Variants in NAV2 observed in about 807,000 individuals in gnomAD.
NAV2 encodes the protein helicase, APC down-regulated 1.
A neutral mutation model predicts 223.2 loss-of-function variants in NAV2; 54 were observed. That is an observed-to-expected ratio of 0.24 (90% CI 0.19 to 0.30). The LOEUF (loss-of-function observed/expected upper bound fraction) is 0.30. Ranked by LOEUF, NAV2 falls within the 10% of genes least tolerant of loss-of-function variation. The pLI is 1.00. For synonymous variants in NAV2, 1,279 were observed against 1,239.3 expected (o/e 1.03, Z -0.67); for missense variants, 2,806 against 3,147.5 (o/e 0.89, Z 2.60).
intron 1 of NAV2, among the ~76,000 whole-genome samples, chr11:19,480,165 T>G (rs2042235970): frequency 6.6e-6 from 1 of 152,138 alleles, no homozygotes; most frequent in Non-Finnish European, 1.5e-5. Context: ...TTAAACAAAA[T>G]TAAGCAGGTT....
At chr11:20,016,451 A>G (rs1288030043) in intron 11 of NAV2, among the ~76,000 whole-genome samples, 1 of 152,286 alleles carries the variant, frequency 6.6e-6, no homozygotes, top group Non-Finnish European at 1.5e-5. Flanking sequence ...GTGCTTTTAC[A>G]TGTGAGTACT....
chr11:19,443,188 C>G (rs1423551504), intron 1 of NAV2, among the ~76,000 whole-genome samples: 2 of 152,224 alleles, frequency 1.3e-5, no homozygotes, highest in Non-Finnish European at 2.9e-5. Context: ...AATCTCTGAG[C>G]TGAAGCCCTG....
At chr11:19,893,402 C>A (rs1258056454) in intron 6 of NAV2, among the ~76,000 whole-genome samples, 1 of 152,094 alleles carries the variant, frequency 6.6e-6, no homozygotes, top group Admixed American at 6.5e-5. Context: ...GCATTTCCTA[C>A]CTGGTGGTGT....
chr11:19,729,226 C>A (rs1396987535), intron 1 of NAV2, among the ~76,000 whole-genome samples: 1 of 152,122 alleles, frequency 6.6e-6, no homozygotes, highest in African/African-American at 2.4e-5. Context: ...TTGGAGCAAG[C>A]AGGAATGGGA....
chr11:19,995,877 T>A (rs1415922686), intron 11 of NAV2, among the ~76,000 whole-genome samples: 1 of 152,146 alleles, frequency 6.6e-6, no homozygotes, highest in African/African-American at 2.4e-5. Flanking sequence ...TGGATGAACG[T>A]TGTTCCCTAA....
At position 20,065,331 on chromosome 11, in the gene NAV2, C is replaced by T. The variant is rs368220901; in HGVS notation, c.4885-2855C>T. On this transcript the variant is annotated intron_variant, in intron 20 of 37. Coordinates refer to ENST00000349880, the MANE Select transcript of NAV2 (RefSeq NM_145117.5). ...AGTTTTAAAGGCTCTTATTGGATGA[C>T]AGTAGATTCTTTCCTTGAAATGTCT... Among the ~76,000 whole-genome samples the T allele has an allele frequency of 2.3e-4, 35 of 152,150 alleles. No individual in the cohort carries two copies. The South Asian group carries it at 7.0e-3, about 31-fold the overall frequency.
At chr11:19,617,726 A>C (rs1282813429) in intron 1 of NAV2, among the ~76,000 whole-genome samples, 1 of 152,190 alleles carries the variant, frequency 6.6e-6, no homozygotes, top group East Asian at 1.9e-4. Context: ...GAAGCAGTAC[A>C]ACAATGATCT....
chr11:19,791,033 T>C (rs565870580), intron 1 of NAV2, among the ~76,000 whole-genome samples: 9 of 152,298 alleles, frequency 5.9e-5, no homozygotes, highest in Non-Finnish European at 1.2e-4. Context: ...ATTATCCTAA[T>C]ATGATAGATA....
Position 20,048,808 on chromosome 11 carries a change from C to T in NAV2, c.3983C>T (p.Pro1328Leu), listed in dbSNP as rs749113323. Residue 1328 changes from proline (P) to leucine (L), a missense_variant, in exon 15 of 38, where the codon CCT becomes CTT. Pro to Leu is a moderately conservative substitution (Grantham distance 98). Around this residue, in one of 4 missense-constraint regions of NAV2, gnomAD observed 742 missense variants for 777.9 expected, o/e 0.95. Transcript: ENST00000349880. ...NMKNSVVISN[P>L]HATMTQQGNL... ...AAAAATTCGGTGGTCATCTCCAATC[C>T]TCATGCCACCATGACTCAGCAAGGT... The T allele has an allele frequency of 5.6e-6, 9 of 1,613,958 alleles. No homozygotes were observed. Among genetic ancestry groups the T allele is most frequent in the Middle Eastern group, 3.3e-4 (2 of 6,084 alleles).
At position 19,933,246 on chromosome 11, in the gene NAV2, C is replaced by A; in HGVS notation, c.1002C>A (p.Gly334=). Residue 334 remains glycine, a synonymous_variant, in exon 7 of 38, where the codon GGC becomes GGA. Coordinates refer to ENST00000349880, the MANE Select transcript of NAV2 (RefSeq NM_145117.5). The surrounding 1 kb of genome is among the most constrained non-coding windows in gnomAD (Gnocchi z 4.3). ...ATGCACCTGCTTCCTTGGAGAGCGG[C>A]AGCAGCTCCACCCCTACTAATTGCA... ...SDNAPASLES[G]SSSTPTNCST... The A allele has an allele frequency of 1.9e-6, 3 of 1,601,476 alleles. No individual in the cohort carries two copies. Among genetic ancestry groups the A allele is most frequent in the Non-Finnish European group, 2.6e-6 (3 of 1,173,848 alleles).
At chr11:19,629,094 G>T (rs2047263014) in intron 1 of NAV2, among the ~76,000 whole-genome samples, 1 of 152,100 alleles carries the variant, frequency 6.6e-6, no homozygotes, top group African/African-American at 2.4e-5. Flanking sequence ...AAAATGTGGT[G>T]GCCATTCATT....
chr11:19,602,101 G>C (rs2046364703), intron 1 of NAV2, among the ~76,000 whole-genome samples: 1 of 152,158 alleles, frequency 6.6e-6, no homozygotes, highest in Non-Finnish European at 1.5e-5. Context: ...CAGGAAATCG[G>C]GGACATCAAG....
In NAV2 at chr11:19,352,100, CA is replaced by C. The variant is rs1177330054; in HGVS notation, c.75+1079del. 4.6e-5 allele frequency among the ~76,000 whole-genome samples: 7 copies of C among 152,066 alleles called. No homozygotes were observed. In the South Asian group the frequency reaches 1.5e-3, roughly 32 times the overall value. ...TTATAAATATTGACTCCATTCCTAA[CA>C]AAAAATTCAATTTCTGAAACTGCTG... On this transcript the variant is annotated intron_variant, in intron 1 of 37. Transcript: ENST00000360655.
At chr11:19,360,560 A>T (rs180968281) in intron 1 of NAV2, among the ~76,000 whole-genome samples, 204 of 152,366 alleles carry the variant, frequency 1.3e-3, no homozygotes, top group African/African-American at 4.7e-3. Context: ...GAGATAGATC[A>T]GCCACCCAAG....
chr11:19,558,284 C>T (rs145287492), intron 1 of NAV2, among the ~76,000 whole-genome samples: 4 of 152,316 alleles, frequency 2.6e-5, no homozygotes, highest in East Asian at 1.9e-4. Flanking sequence ...GACAGCAACT[C>T]GCTTCCTCAT....
At chr11:19,798,041 C>G (rs780191822) in intron 1 of NAV2, among the ~76,000 whole-genome samples, 4 of 152,250 alleles carry the variant, frequency 2.6e-5, no homozygotes, top group Admixed American at 2.0e-4. Flanking sequence ...GTGTGATTCC[C>G]TCCCTCTGGT....
At chr11:19,945,357 C>T (rs961566832) in intron 8 of NAV2, among the ~76,000 whole-genome samples, 3 of 117,642 alleles carry the variant, frequency 2.6e-5, no homozygotes, top group African/African-American at 3.3e-5. Flanking sequence ...CTTTCCTTCC[C>T]TTCCCTTCCT....
chr11:19,553,693 T>C (rs55755871), intron 1 of NAV2, among the ~76,000 whole-genome samples: 2,304 of 152,366 alleles, frequency 0.015, 57 homozygotes, highest in African/African-American at 0.053. Flanking sequence ...GAAGAGCACA[T>C]GCAAATATGC....
At chr11:19,844,601 T>C (rs1244061677) in intron 3 of NAV2, among the ~76,000 whole-genome samples, 1 of 152,358 alleles carries the variant, frequency 6.6e-6, no homozygotes, top group East Asian at 1.9e-4. Context: ...CAAAAAGTTT[T>C]GGATTTTGGC....
Sources: gnomAD v4.1 joint callset for allele counts (sites outside exome capture counted in the v4.1 genomes callset) on GRCh38, gnomAD v4.1.1 for gene constraint, gnomAD v4.1.1 regional missense constraint, Gnocchi (gnomAD v3.1) non-coding constraint, MANE v1.5 for transcripts, NCBI Gene and HGNC (gene_info 2026-07-23, HGNC 2026-07-21) for gene names.